ASTN2: variants seen among roughly 807,000 people sequenced by gnomAD.
The protein encoded by ASTN2 is astrotactin 2.
Under a neutral mutation model 139.8 loss-of-function variants are expected in ASTN2, and 54 were observed. The observed-to-expected ratio is 0.39, with a 90% confidence interval of 0.31 to 0.48. The LOEUF is 0.48. Among genes scored for constraint, ASTN2 ranks in the 20% least tolerant of loss-of-function variants. ASTN2 has a pLI of 0.95. For missense variants in ASTN2, 1,565 were observed against 1,725.1 expected (o/e 0.91, Z 1.64); for synonymous variants, 756 against 719.5 (o/e 1.05, Z -0.81).
At chr9:117,164,620 G>A (rs542073766) in intron 3 of ASTN2, among the ~76,000 whole-genome samples, 2 of 152,092 alleles carry the variant, frequency 1.3e-5, no homozygotes, top group African/African-American at 4.8e-5. Context: ...ATTTGAGGTT[G>A]TGAATGAAGC....
chr9:117,225,664 A>C lies in ASTN2; in HGVS notation c.631-10922T>G, dbSNP rs1001017454. 7.9e-4 allele frequency among the ~76,000 whole-genome samples: 118 copies of C among 149,858 alleles called. 1 individual carries two copies. The highest frequency in any genetic ancestry group is 1.5e-4 in the Non-Finnish European group (10 of 67,592). ...GGTAAGGTCATACCTGGAAGCAGGC[A>C]GACCTAAGTTCCCATTTTTACTCTG... On this transcript the variant is annotated intron_variant, in intron 2 of 22. Transcript: ENST00000313400.
chr9:116,813,250 A>G (rs903537963), intron 12 of ASTN2, among the ~76,000 whole-genome samples: 2 of 152,202 alleles, frequency 1.3e-5, no homozygotes, highest in African/African-American at 4.8e-5. Flanking sequence ...TACCCTTAAC[A>G]CACCCATCAC....
chr9:117,025,870 C>A (rs1838058886), intron 6 of ASTN2, among the ~76,000 whole-genome samples: 1 of 151,200 alleles, frequency 6.6e-6, no homozygotes, highest in South Asian at 2.1e-4. Flanking sequence ...TGGCTCACTG[C>A]ACCCTCCACC....
intron 10 of ASTN2, among the ~76,000 whole-genome samples, chr9:116,921,567 G>A (rs559732598): frequency 7.4e-4 from 94 of 127,240 alleles, no homozygotes; most frequent in African/African-American, 3.2e-3. Flanking sequence ...CAGCCTGGGC[G>A]ACCGAGCGAG....
Position 116,698,736 on chromosome 9 carries a change from G to T in ASTN2, c.2806+27035C>A, listed in dbSNP as rs764186649. On this transcript the variant is annotated intron_variant, in intron 16 of 22. Transcript: ENST00000313400. This position sits in a 1 kb window ranked among gnomAD's most constrained non-coding sequence, Gnocchi z 4.4. ...AGAGATGGACATGAGCCCGGAGGAAGTGGTTGCCAGCCCTAGGGCCTCACC... is the reference window on the plus strand; with the variant it reads ...AGAGATGGACATGAGCCCGGAGGAATTGGTTGCCAGCCCTAGGGCCTCACC... 1 of 1,614,066 alleles carries T rather than the reference G, an allele frequency of 6.2e-7. No homozygotes were observed. Among genetic ancestry groups the T allele is most frequent in the South Asian group, 1.1e-5 (1 of 91,092 alleles).
At chr9:116,883,092 C>T (rs1051575817) in intron 10 of ASTN2, among the ~76,000 whole-genome samples, 1 of 152,082 alleles carries the variant, frequency 6.6e-6, no homozygotes, top group Non-Finnish European at 1.5e-5. Context: ...CAATGATGTT[C>T]GTCACAGCAT....
intron 19 of ASTN2, among the ~76,000 whole-genome samples, chr9:116,563,321 G>T (rs1032822019): frequency 2.0e-5 from 3 of 151,702 alleles, no homozygotes; most frequent in African/African-American, 7.3e-5. Flanking sequence ...TTTGCAGTGA[G>T]CCAAGATCAC....
chr9:117,023,918 A>C (rs1426992493), intron 6 of ASTN2, among the ~76,000 whole-genome samples: 2 of 152,094 alleles, frequency 1.3e-5, no homozygotes. Context: ...TGTTTGGAAC[A>C]TGCAATATGG....
chr9:116,908,222 G>A (rs1234907838), intron 10 of ASTN2, among the ~76,000 whole-genome samples: 1 of 152,128 alleles, frequency 6.6e-6, no homozygotes, highest in Non-Finnish European at 1.5e-5. Context: ...AAGGAGCTTG[G>A]ATAAGACTAA....
chr9:116,513,520 G>A (rs1587916644), intron 19 of ASTN2, among the ~76,000 whole-genome samples: 2 of 152,144 alleles, frequency 1.3e-5, no homozygotes, highest in African/African-American at 4.8e-5. Flanking sequence ...GGCTTTCTCT[G>A]TATTTCCTGA....
At chr9:116,556,202 C>T (rs1852605487) in intron 19 of ASTN2, among the ~76,000 whole-genome samples, 2 of 152,196 alleles carry the variant, frequency 1.3e-5, no homozygotes, top group African/African-American at 2.4e-5. Flanking sequence ...TCAAGTCCTA[C>T]CTCACCTTTG....
intron 13 of ASTN2, among the ~76,000 whole-genome samples, chr9:116,780,026 C>T (rs993598175): frequency 3.3e-5 from 5 of 152,184 alleles, no homozygotes; most frequent in Non-Finnish European, 7.4e-5. Flanking sequence ...ATTCTCTCAT[C>T]ACACATTCAT....
chr9:116,484,577 T>C (rs1182737227), intron 20 of ASTN2, among the ~76,000 whole-genome samples: 6 of 152,128 alleles, frequency 3.9e-5, no homozygotes, highest in Non-Finnish European at 8.8e-5. Flanking sequence ...TCAGACTCCA[T>C]GGGAGGAGAG....
intron 5 of ASTN2, among the ~76,000 whole-genome samples, chr9:117,040,796 G>A (rs1407093555): frequency 1.3e-5 from 2 of 152,106 alleles, no homozygotes; most frequent in Admixed American, 6.6e-5. Flanking sequence ...TATCTCACAG[G>A]GTTCTTGTGA....
intron 7 of ASTN2, among the ~76,000 whole-genome samples, chr9:117,001,967 T>C (rs936924812): frequency 6.6e-6 from 1 of 152,130 alleles, no homozygotes; most frequent in Non-Finnish European, 1.5e-5. Context: ...ATTAAGAAAA[T>C]CTTGCTTGAA....
At chr9:116,637,606 T>C (rs559765501) in intron 17 of ASTN2, among the ~76,000 whole-genome samples, 4 of 152,242 alleles carry the variant, frequency 2.6e-5, no homozygotes, top group Non-Finnish European at 4.4e-5. Context: ...AATTAGAAAC[T>C]ACAAGGACAA....
At chr9:116,488,857 C>A (rs990651352) in intron 19 of ASTN2, among the ~76,000 whole-genome samples, 1 of 151,836 alleles carries the variant, frequency 6.6e-6, no homozygotes, top group Non-Finnish European at 1.5e-5. Context: ...CTTTTGTAAC[C>A]CATAAAAATA....
At chr9:116,600,752 T>C (rs1489854693) in intron 19 of ASTN2, among the ~76,000 whole-genome samples, 5 of 152,200 alleles carry the variant, frequency 3.3e-5, no homozygotes, top group Non-Finnish European at 7.3e-5. Context: ...CCCTTCTTTT[T>C]AAATTCCATA....
intron 16 of ASTN2, among the ~76,000 whole-genome samples, chr9:116,716,525 C>A (rs529165266): frequency 6.6e-6 from 1 of 152,210 alleles, no homozygotes; most frequent in South Asian, 2.1e-4. Context: ...AATGGCTAAC[C>A]AAGATAAGAA....
Sources: allele counts gnomAD v4.1 joint callset (sites outside exome capture counted in the v4.1 genomes callset), GRCh38; gene constraint gnomAD v4.1.1; non-coding constraint Gnocchi (gnomAD v3.1); transcripts MANE v1.5; gene names NCBI Gene and HGNC (gene_info 2026-07-23, HGNC 2026-07-21).